Variants in ADAMTSL1 observed in about 807,000 individuals in gnomAD.
ADAMTSL1 encodes the protein ADAMTS-like protein 1.
ADAMTSL1 carries 126 observed loss-of-function variants against 201.8 expected under a neutral mutation model. The ratio of observed to expected loss-of-function variants is 0.62; its 90% CI spans 0.54 to 0.72. The LOEUF (loss-of-function observed/expected upper bound fraction) is 0.72, where lower values mean the gene tolerates loss of function less well. Among genes scored for constraint, ADAMTSL1 ranks in the 30% least tolerant of loss-of-function variants. The pLI is 0.00. For missense variants in ADAMTSL1, 2,679 were observed against 2,277.8 expected, an observed-to-expected ratio of 1.18 and a Z score of -3.59; for synonymous variants, 1,121 against 903.4, an observed-to-expected ratio of 1.24 and a Z score of -4.32.
intron 13 of ADAMTSL1, among the ~76,000 whole-genome samples, chr9:18,688,529 A>G (rs1373938107): frequency 4.0e-5 from 6 of 149,862 alleles, no homozygotes; most frequent in African/African-American, 1.5e-4. Flanking sequence ...TTAGCCAGGC[A>G]TGGTGGTGTG....
At chr9:18,452,625 C>T (rs1820453145) in intron 2 of ADAMTSL1, among the ~76,000 whole-genome samples, 2 of 152,166 alleles carry the variant, frequency 1.3e-5, no homozygotes, top group South Asian at 4.1e-4. Context: ...CTCCAAAATA[C>T]AATGGTGGAC....
intron 10 of ADAMTSL1, among the ~76,000 whole-genome samples, chr9:18,679,171 C>G (rs990773729): frequency 6.6e-6 from 1 of 152,182 alleles, no homozygotes; most frequent in South Asian, 2.1e-4. Context: ...CACAAAAAAC[C>G]CGCCTACAGA....
intron 2 of ADAMTSL1, among the ~76,000 whole-genome samples, chr9:18,431,919 G>C (rs1170359369): frequency 6.6e-6 from 1 of 152,084 alleles, no homozygotes; most frequent in African/African-American, 2.4e-5. Flanking sequence ...GCATAAAAGT[G>C]TACAGTTTTC....
At chr9:18,316,975 C>G (rs971240840) in intron 2 of ADAMTSL1, among the ~76,000 whole-genome samples, 5 of 152,102 alleles carry the variant, frequency 3.3e-5, no homozygotes, top group South Asian at 2.1e-4. Context: ...ATGGAAATGA[C>G]CTAAGTGTCC....
intron 10 of ADAMTSL1, among the ~76,000 whole-genome samples, chr9:18,678,802 T>A (rs1830273296): frequency 6.6e-6 from 1 of 152,198 alleles, no homozygotes; most frequent in Non-Finnish European, 1.5e-5. Context: ...GGCCTGATAT[T>A]CATCTCCAGA....
At chr9:18,893,771 G>T (rs1389082692) in intron 26 of ADAMTSL1, among the ~76,000 whole-genome samples, 1 of 152,136 alleles carries the variant, frequency 6.6e-6, no homozygotes, top group Non-Finnish European at 1.5e-5. Context: ...CCACTCCTGT[G>T]AGACACAAAA....
chr9:18,103,492 C>T (rs1587057375), intron 1 of ADAMTSL1, among the ~76,000 whole-genome samples: 1 of 152,050 alleles, frequency 6.6e-6, no homozygotes, highest in Non-Finnish European at 1.5e-5. Context: ...TCTCTTTATT[C>T]TTAGGCCAGC....
intron 1 of ADAMTSL1, among the ~76,000 whole-genome samples, chr9:18,096,625 T>C (rs1255815196): frequency 6.6e-6 from 1 of 152,214 alleles, no homozygotes; most frequent in Non-Finnish European, 1.5e-5. Context: ...CTAATGCTTT[T>C]TAAAAATCAT....
intron 2 of ADAMTSL1, among the ~76,000 whole-genome samples, chr9:18,203,416 A>G (rs1474312149): frequency 6.6e-6 from 1 of 151,852 alleles, no homozygotes; most frequent in African/African-American, 2.4e-5. Flanking sequence ...ATTAAGTGAT[A>G]ATTAAAGAAT....
intron 2 of ADAMTSL1, among the ~76,000 whole-genome samples, chr9:18,189,438 T>A (rs1416495790): frequency 1.3e-5 from 2 of 152,158 alleles, no homozygotes; most frequent in Non-Finnish European, 2.9e-5. Context: ...AAGATTTTTC[T>A]CAAGACAACT....
intron 2 of ADAMTSL1, among the ~76,000 whole-genome samples, chr9:18,281,472 C>A (rs760739100): frequency 6.6e-6 from 1 of 152,122 alleles, no homozygotes; most frequent in African/African-American, 2.4e-5. Flanking sequence ...CATGAAGCTT[C>A]GGTACAGTCT....
intron 12 of ADAMTSL1, among the ~76,000 whole-genome samples, chr9:18,684,430 A>G (rs927452458): frequency 1.3e-5 from 2 of 152,256 alleles, no homozygotes; most frequent in Non-Finnish European, 2.9e-5. Flanking sequence ...CTTTATATGC[A>G]TATTGAGCTA....
chr9:18,732,213 G>A (rs1051487788), intron 15 of ADAMTSL1, among the ~76,000 whole-genome samples: 6 of 152,116 alleles, frequency 3.9e-5, no homozygotes, highest in Admixed American at 6.5e-5. Flanking sequence ...TATACTCACC[G>A]AGTTTATTCT....
rs1221449343 is a variant in ADAMTSL1, at chr9:18,910,646, T to C, written c.*2098T>C. On this transcript the variant is annotated 3_prime_UTR_variant, in exon 29 of 29. Coordinates refer to ENST00000380548, the MANE Select transcript of ADAMTSL1 (RefSeq NM_001040272.6). ...ATGTGGTTAATTATTTCTAGTTCGA[T>C]AGTGATTGAAAATCAGTGGTCACTA... 1.3e-5 allele frequency: 2 copies of C among 152,240 alleles called. No homozygotes were observed. Among genetic ancestry groups the C allele is most frequent in the Non-Finnish European group, 2.9e-5 (2 of 68,048 alleles). The allele number at this position is 152,240 out of a possible 1,614,324, so 9.4% of individuals were successfully genotyped here. A position where few individuals can be genotyped will look rare whatever the true frequency, so the allele number is the denominator to read the frequency against.
chr9:18,076,027 T>C (rs1326864807), intron 1 of ADAMTSL1, among the ~76,000 whole-genome samples: 1 of 152,222 alleles, frequency 6.6e-6, no homozygotes, highest in Non-Finnish European at 1.5e-5. Context: ...TCAAGATGAA[T>C]CCCTGATTCA....
At chr9:18,104,418 C>T (rs117301785) in intron 1 of ADAMTSL1, among the ~76,000 whole-genome samples, 71 of 152,304 alleles carry the variant, frequency 4.7e-4, no homozygotes, top group Non-Finnish European at 8.4e-4. Context: ...ACTAAAGGGA[C>T]TGGAGCCTCC....
chr9:18,249,100 G>A (rs1397868486), intron 2 of ADAMTSL1, among the ~76,000 whole-genome samples: 2 of 152,142 alleles, frequency 1.3e-5, no homozygotes, highest in Non-Finnish European at 2.9e-5. Flanking sequence ...CGTGATGCGA[G>A]AGAACCTTGC....
At chr9:18,628,751 T>C (rs890179156) in intron 5 of ADAMTSL1, among the ~76,000 whole-genome samples, 1 of 152,348 alleles carries the variant, frequency 6.6e-6, no homozygotes, top group South Asian at 2.1e-4. Context: ...TCTTATTTTA[T>C]CTCTTTGATT....
chr9:18,243,400 C>G (rs1019327578), intron 2 of ADAMTSL1, among the ~76,000 whole-genome samples: 2 of 152,148 alleles, frequency 1.3e-5, no homozygotes, highest in East Asian at 3.9e-4. Context: ...CCCACCATCT[C>G]TAACCCTGAA....
Sources: allele counts gnomAD v4.1 joint callset (sites outside exome capture counted in the v4.1 genomes callset), GRCh38; gene constraint gnomAD v4.1.1; transcripts MANE v1.5; gene names NCBI Gene and HGNC (gene_info 2026-07-23, HGNC 2026-07-21).